DNAH5: variants seen among roughly 807,000 people sequenced by gnomAD.
DNAH5 encodes axonemal beta dynein heavy chain 5.
In DNAH5, 372 loss-of-function variants were observed where a neutral mutation model predicts 518.2. The observed-to-expected ratio is 0.72, with a 90% confidence interval of 0.66 to 0.78. The LOEUF (loss-of-function observed/expected upper bound fraction) is 0.78, where lower values mean the gene tolerates loss of function less well. DNAH5 is among the 30% of genes least tolerant of loss of function. The pLI, the probability that DNAH5 is intolerant of heterozygous loss-of-function variation, is 0.00. For synonymous variants in DNAH5, 2,039 were observed against 2,025.9 expected (o/e 1.01, Z -0.17); for missense variants, 5,523 against 5,687.0 (o/e 0.97, Z 0.93).
At chr5:13,863,849 C>T (rs1271593117) in intron 28 of DNAH5, among the ~76,000 whole-genome samples, 1 of 152,212 alleles carries the variant, frequency 6.6e-6, no homozygotes, top group African/African-American at 2.4e-5. Context: ...ACTCCACCTC[C>T]CTGGCCTCTG....
At position 13,894,943 on chromosome 5, in the gene DNAH5, TGGCA is replaced by T. The variant is rs35393083; in HGVS notation, c.2260-126_2260-123del. The T allele has an allele frequency of 0.37, 233,430 of 637,716 alleles. 58,040 individuals carry two copies. Among genetic ancestry groups the T allele is most frequent in the South Asian group, 0.57 (29,142 of 51,508 alleles). 39.5% of individuals were successfully genotyped at this position (637,716 alleles called of 1,614,324 possible). A position where few individuals can be genotyped will look rare whatever the true frequency, so the allele number is the denominator to read the frequency against. On this transcript the variant is annotated intron_variant, in intron 15 of 78. Transcript: ENST00000265104. The stretch of plus-strand genomic sequence containing the variant: ...GTCAAACTGTAGGGCTCTAATAGCC[TGGCA>T]GGTAGAGTAGCCAAAACAATAAAAA...
intron 50 of DNAH5, among the ~76,000 whole-genome samples, chr5:13,791,461 C>T (rs139705302): frequency 7.0e-6 from 1 of 142,714 alleles, no homozygotes; most frequent in African/African-American, 2.6e-5. Flanking sequence ...AAATGAACTT[C>T]GTAAGCTGCT....
chr5:13,793,594 G>A lies in DNAH5; in HGVS notation c.8145C>T (p.Asp2715=). The part of the protein sequence containing the change: ...AMIHPGGGRN[D]IPQRLKRQFS... ...ACTGCCTCTTGAGTCTTTGGGGTATGTCATTGCGTCCACCACCAGGATGGA... is the reference window on the plus strand; with the variant it reads ...ACTGCCTCTTGAGTCTTTGGGGTATATCATTGCGTCCACCACCAGGATGGA... Residue 2715 remains aspartate (D), a synonymous_variant, in exon 49 of 79, where the codon GAC becomes GAT. Coordinates refer to ENST00000265104, the MANE Select transcript of DNAH5 (RefSeq NM_001369.3). 6.2e-7 allele frequency: 1 copy of A among 1,614,128 alleles called. No homozygotes were observed. The highest frequency in any genetic ancestry group is 2.2e-5 in the East Asian group (1 of 44,880).
chr5:13,809,021 T>C (rs1561315247), intron 46 of DNAH5, 23 bp downstream of exon 46: 5 of 1,613,100 alleles, frequency 3.1e-6, no homozygotes, highest in Non-Finnish European at 3.4e-6. Context: ...TATGCTACAG[T>C]TAATAAAAAT....
chr5:13,867,465 C>A (rs890602071), intron 25 of DNAH5, among the ~76,000 whole-genome samples: 1 of 152,090 alleles, frequency 6.6e-6, no homozygotes, highest in Non-Finnish European at 1.5e-5. Context: ...CCTTTGCCTT[C>A]CACCATGATT....
chr5:13,808,311 C>T (rs1759994049), intron 46 of DNAH5, among the ~76,000 whole-genome samples: 1 of 151,608 alleles, frequency 6.6e-6, no homozygotes, highest in Admixed American at 6.6e-5. Context: ...CAGCCATCTA[C>T]CAGCCAAGGA....
chr5:13,765,515 T>C (rs1278500179), intron 59 of DNAH5, among the ~76,000 whole-genome samples: 2 of 152,180 alleles, frequency 1.3e-5, no homozygotes, highest in Non-Finnish European at 2.9e-5. Flanking sequence ...ATTTCTGGGG[T>C]CTGAAAATAT....
chr5:13,851,896 G>A (rs1766907623), intron 30 of DNAH5, among the ~76,000 whole-genome samples: 1 of 151,934 alleles, frequency 6.6e-6, no homozygotes, highest in Non-Finnish European at 1.5e-5. Flanking sequence ...ATTGGGACTG[G>A]TCAGACAGTG....
At chr5:13,949,772 A>T (rs1780235123) in intron 1 of DNAH5, among the ~76,000 whole-genome samples, 1 of 152,264 alleles carries the variant, frequency 6.6e-6, no homozygotes, top group Non-Finnish European at 1.5e-5. Context: ...GATACATTAA[A>T]GAAAAGACTG....
chr5:13,832,333 G>A (rs1763785112), intron 35 of DNAH5, among the ~76,000 whole-genome samples: 1 of 152,176 alleles, frequency 6.6e-6, no homozygotes, highest in African/African-American at 2.4e-5. Context: ...ATGAAAAGCA[G>A]GTGGGCATGC....
rs781375398 is a variant in DNAH5 at position 13,792,017 on chromosome 5, A to AAGT, written c.8422_8424dup (p.Thr2808dup). On this transcript the variant is annotated inframe_insertion, in exon 50 of 79. Coordinates refer to ENST00000265104, the MANE Select transcript of DNAH5 (RefSeq NM_001369.3). Reference sequence around the variant, plus strand: ...ACATTTGGTTCCTTGATGACCTCTGAAGTAGTGTTCAGCATTCCCTGCCAG... The same window carrying AAGT: ...ACATTTGGTTCCTTGATGACCTCTGAAGTAGTAGTGTTCAGCATTCCCTGCCAG... 1 of 1,613,990 alleles carries AAGT rather than the reference A, an allele frequency of 6.2e-7. No homozygotes were observed. The highest frequency in any genetic ancestry group is 1.1e-5 in the South Asian group (1 of 91,070).
intron 38 of DNAH5, among the ~76,000 whole-genome samples, chr5:13,827,765 CAT>C (rs1433136709): frequency 6.6e-6 from 1 of 151,988 alleles, no homozygotes; most frequent in Non-Finnish European, 1.5e-5. Context: ...ATAATCCCCA[CAT>C]GTCACTGGAG....
chr5:13,874,072 T>C (rs1285856513), intron 22 of DNAH5, among the ~76,000 whole-genome samples: 1 of 152,186 alleles, frequency 6.6e-6, no homozygotes, highest in Admixed American at 6.5e-5. Flanking sequence ...GTTCAATGGA[T>C]GTTGATACTT....
At chr5:13,941,249 T>G (rs373540118) in intron 1 of DNAH5, among the ~76,000 whole-genome samples, 3 of 152,304 alleles carry the variant, frequency 2.0e-5, no homozygotes, top group East Asian at 3.9e-4. Flanking sequence ...TCCCAGCTAC[T>G]GAGGAGGCTG....
chr5:13,730,330 G>A (rs931937779), intron 68 of DNAH5, among the ~76,000 whole-genome samples: 1 of 152,140 alleles, frequency 6.6e-6, no homozygotes, highest in Non-Finnish European at 1.5e-5. Flanking sequence ...TTAAGAAAGA[G>A]TTAAGAATAA....
intron 30 of DNAH5, among the ~76,000 whole-genome samples, chr5:13,858,332 AC>A (rs1767912230): frequency 6.6e-6 from 1 of 152,040 alleles, no homozygotes; most frequent in African/African-American, 2.4e-5. Context: ...AAAACCAAAC[AC>A]TGCATGTTCT....
At chr5:13,852,487 C>A (rs1266672897) in intron 30 of DNAH5, among the ~76,000 whole-genome samples, 1 of 151,854 alleles carries the variant, frequency 6.6e-6, no homozygotes, top group Non-Finnish European at 1.5e-5. Context: ...TTTTTTCGTA[C>A]CCTAGTGGCA....
Position 13,829,999 on chromosome 5 carries a change from T to C in DNAH5, c.6249+27A>G, listed in dbSNP as rs777897915. On this transcript the variant is annotated intron_variant, in intron 37 of 78. Transcript: ENST00000265104. ...AAAATTGTGATAAGAAGGCTGAAAT[T>C]CAGTAGCTTTTCTAGCAGCTCCTTA... 7.5e-6 allele frequency: 12 copies of C among 1,600,600 alleles called. 1 individual carries two copies. The South Asian group carries it at 1.3e-4, about 18-fold the overall frequency.
rs542594776 is a variant in DNAH5 at position 13,906,631 on chromosome 5, T to A, written c.1645-4493A>T. On this transcript the variant is annotated intron_variant, in intron 12 of 78. Transcript: ENST00000265104. Reference sequence around the variant, plus strand: ...ATACCAAAATACTGACATAAAGTATTCCATGTTCTCACATCAAAATATAAT... The same window carrying A: ...ATACCAAAATACTGACATAAAGTATACCATGTTCTCACATCAAAATATAAT... 1.2e-4 allele frequency among the ~76,000 whole-genome samples: 19 copies of A among 152,266 alleles called. No individual in the cohort carries two copies. In the South Asian group the frequency reaches 3.9e-3, roughly 32 times the overall value.
Sources: allele counts gnomAD v4.1 joint callset (sites outside exome capture counted in the v4.1 genomes callset), GRCh38; gene constraint gnomAD v4.1.1; transcripts MANE v1.5; gene names NCBI Gene and HGNC (gene_info 2026-07-23, HGNC 2026-07-21).